ADAM22: variants seen among roughly 807,000 people sequenced by gnomAD.
ADAM22 encodes the protein disintegrin and metalloproteinase domain-containing protein 22.
ADAM22 carries 65 observed loss-of-function variants against 144.6 expected under a neutral mutation model. The observed-to-expected ratio is 0.45, with a 90% confidence interval of 0.37 to 0.55. The LOEUF is 0.55. ADAM22 is among the 20% of genes least tolerant of loss of function. The pLI is 0.00. For synonymous variants in ADAM22, 391 were observed against 412.6 expected, an observed-to-expected ratio of 0.95 and a Z score of 0.63; for missense variants, 974 against 1,184.9, an observed-to-expected ratio of 0.82 and a Z score of 2.61.
chr7:87,982,066 TATACACACAC>T (rs1167111149), intron 3 of ADAM22, among the ~76,000 whole-genome samples: 1 of 86,464 alleles, frequency 1.2e-5, no homozygotes, highest in East Asian at 3.9e-4. Flanking sequence ...TATATATATA[TATACACACAC>T]ACACACACAC....
intron 3 of ADAM22, among the ~76,000 whole-genome samples, chr7:88,009,117 G>T (rs533315374): frequency 6.6e-6 from 1 of 152,172 alleles, no homozygotes; most frequent in Non-Finnish European, 1.5e-5. Flanking sequence ...TCATAGTGCA[G>T]TCTAAGATTT....
At chr7:88,089,140 CA>C (rs1295655119) in intron 4 of ADAM22, among the ~76,000 whole-genome samples, 1 of 151,902 alleles carries the variant, frequency 6.6e-6, no homozygotes, top group African/African-American at 2.4e-5. Flanking sequence ...AAGATGAACA[CA>C]GGGGTTAATT....
chr7:88,202,083 A>G lies in ADAM22; in HGVS notation c.*5592A>G, dbSNP rs1851240628. The G allele has an allele frequency of 6.6e-6, 1 of 152,184 alleles. No homozygotes were observed. The highest frequency in any genetic ancestry group is 6.5e-5 in the Admixed American group (1 of 15,284). The allele number at this position is 152,184 out of a possible 1,614,324, so 9.4% of individuals were successfully genotyped here. A position where few individuals can be genotyped will look rare whatever the true frequency, so the allele number is the denominator to read the frequency against. On this transcript the variant is annotated 3_prime_UTR_variant, in exon 32 of 32. Transcript: ENST00000413139. ...AGTAATAATACAAAAGTTCCTGCTA[A>G]ATTATATATGTGTATCACTGCCTGA...
Position 88,151,252 on chromosome 7 carries a change from T to C in ADAM22, c.1618-5T>C, listed in dbSNP as rs79759309. The C allele has an allele frequency of 1.9e-4, 304 of 1,614,114 alleles. No individual in the cohort carries two copies. In the African/African-American group the frequency reaches 3.2e-3, roughly 17 times the overall value. ...CGCTAATGGGTATTTGCTTTTCCGTTTTAGGGAATTTGCTTTGGAGGAAGA... is the reference window on the plus strand; with the variant it reads ...CGCTAATGGGTATTTGCTTTTCCGTCTTAGGGAATTTGCTTTGGAGGAAGA... On this transcript the variant is annotated splice_polypyrimidine_tract_variant and splice_region_variant and intron_variant, in intron 19 of 31. Coordinates refer to ENST00000413139, the MANE Select transcript of ADAM22 (RefSeq NM_001324418.2).
intron 2 of ADAM22, among the ~76,000 whole-genome samples, chr7:87,955,321 G>T (rs918089207): frequency 1.3e-5 from 2 of 151,924 alleles, no homozygotes; most frequent in African/African-American, 2.4e-5. Flanking sequence ...TGGTGTGGAT[G>T]TTCTTTCTGT....
intron 30 of ADAM22, among the ~76,000 whole-genome samples, chr7:88,191,702 AC>A (rs1849666943): frequency 6.6e-6 from 1 of 152,236 alleles, no homozygotes; most frequent in African/African-American, 2.4e-5. Flanking sequence ...AGTATTAGTT[AC>A]ACCCATCCGC....
At chr7:88,112,041 A>G (rs1047025568) in intron 5 of ADAM22, among the ~76,000 whole-genome samples, 1 of 152,210 alleles carries the variant, frequency 6.6e-6, no homozygotes, top group Non-Finnish European at 1.5e-5. Context: ...TTGGCAAACT[A>G]TGATGGTTTC....
intron 9 of ADAM22, 114 bp from the exon 10 acceptor site, chr7:88,130,272 GAT>G: frequency 1.5e-6 from 1 of 669,264 alleles, no homozygotes; most frequent in Non-Finnish European, 2.4e-6. Context: ...TTACAGAAAA[GAT>G]TTTTTTTTTT....
intron 2 of ADAM22, among the ~76,000 whole-genome samples, chr7:87,957,088 C>T (rs1004456631): frequency 2.6e-5 from 4 of 152,184 alleles, no homozygotes; most frequent in African/African-American, 9.7e-5. Context: ...CTACAGGATT[C>T]CTCACAGGTA....
At chr7:87,951,892 T>C (rs1025736251) in intron 2 of ADAM22, among the ~76,000 whole-genome samples, 2 of 143,994 alleles carry the variant, frequency 1.4e-5, no homozygotes, top group African/African-American at 2.6e-5. Context: ...TATTTTATTC[T>C]CTTTGAAGCA....
At chr7:88,109,716 T>C (rs139581468) in intron 5 of ADAM22, among the ~76,000 whole-genome samples, 365 of 151,304 alleles carry the variant, frequency 2.4e-3, no homozygotes, top group African/African-American at 8.5e-3. Context: ...TTGCTTTTTT[T>C]TTGAGAGAGA....
chr7:88,064,955 CAGT>C (rs1418772309), intron 3 of ADAM22, among the ~76,000 whole-genome samples: 4 of 152,004 alleles, frequency 2.6e-5, no homozygotes, highest in Non-Finnish European at 5.9e-5. Flanking sequence ...GTAGTGGTAG[CAGT>C]GGTAATAGTA....
At chr7:88,164,499 C>T (rs1324370928) in intron 23 of ADAM22, among the ~76,000 whole-genome samples, 1 of 151,866 alleles carries the variant, frequency 6.6e-6, no homozygotes, top group East Asian at 1.9e-4. Flanking sequence ...AAAATTAATA[C>T]AAGTAAATAT....
intron 5 of ADAM22, among the ~76,000 whole-genome samples, chr7:88,112,904 A>T (rs1826428077): frequency 6.6e-6 from 1 of 151,914 alleles, no homozygotes. Flanking sequence ...GTAGAGAGAG[A>T]GTCTTGCCAC....
At chr7:88,082,692 C>G (rs1461978079) in intron 4 of ADAM22, among the ~76,000 whole-genome samples, 1 of 152,156 alleles carries the variant, frequency 6.6e-6, no homozygotes, top group Non-Finnish European at 1.5e-5. Context: ...TGAACAGACA[C>G]TTCTCAAAAG....
intron 31 of ADAM22, among the ~76,000 whole-genome samples, chr7:88,194,465 C>G (rs1278221589): frequency 6.6e-6 from 1 of 152,158 alleles, no homozygotes; most frequent in African/African-American, 2.4e-5. Context: ...TACACAGCCC[C>G]TGTCTCTGGG....
At chr7:88,032,967 T>A (rs1800655860) in intron 3 of ADAM22, among the ~76,000 whole-genome samples, 1 of 152,238 alleles carries the variant, frequency 6.6e-6, no homozygotes, top group Admixed American at 6.5e-5. Flanking sequence ...CCTGCAGAAC[T>A]GTGAGCCGAT....
At chr7:87,993,302 T>C (rs1194968439) in intron 3 of ADAM22, among the ~76,000 whole-genome samples, 5 of 152,222 alleles carry the variant, frequency 3.3e-5, no homozygotes, top group Admixed American at 2.6e-4. Context: ...CATGTAACAG[T>C]AAAACCTGGG....
chr7:87,991,100 A>C (rs1462946289), intron 3 of ADAM22, among the ~76,000 whole-genome samples: 1 of 151,844 alleles, frequency 6.6e-6, no homozygotes, highest in Non-Finnish European at 1.5e-5. Flanking sequence ...AGCCCTTTTG[A>C]TTTCTGTGTT....
Sources: allele counts gnomAD v4.1 joint callset (sites outside exome capture counted in the v4.1 genomes callset), GRCh38; gene constraint gnomAD v4.1.1; transcripts MANE v1.5; gene names NCBI Gene and HGNC (gene_info 2026-07-23, HGNC 2026-07-21).